Variants in THSD7B observed in about 807,000 individuals in gnomAD.
THSD7B encodes thrombospondin type-1 domain-containing protein 7B.
A neutral mutation model predicts 213.6 loss-of-function variants in THSD7B; 138 were observed. The ratio of observed to expected loss-of-function variants is 0.65; its 90% CI spans 0.56 to 0.74. The LOEUF (loss-of-function observed/expected upper bound fraction) is 0.74. Ranked by LOEUF, THSD7B falls within the 30% of genes least tolerant of loss-of-function variation. THSD7B has a pLI of 0.00. For synonymous variants in THSD7B, 742 were observed against 687.0 expected (o/e 1.08, Z -1.25); for missense variants, 1,931 against 1,991.5 (o/e 0.97, Z 0.58).
chr2:137,496,110 G>A (rs1216481711), intron 15 of THSD7B, among the ~76,000 whole-genome samples: 2 of 152,162 alleles, frequency 1.3e-5, no homozygotes, highest in Non-Finnish European at 2.9e-5. Context: ...ATTGGTGAGT[G>A]TAGTTTGAGC....
Position 137,415,055 on chromosome 2 carries a change from C to CAAAAA in THSD7B, c.2959+3195_2959+3199dup, listed in dbSNP as rs56403642. On this transcript the variant is annotated intron_variant, in intron 14 of 27. Coordinates refer to ENST00000409968, the MANE Select transcript of THSD7B (RefSeq NM_001316349.2). Reference sequence around the variant, plus strand: ...TAGGTGACAGAGCAAGACCCTGTCTCAAAAAAAAAAAAAAAATTATTATCA... The same window carrying CAAAAA: ...TAGGTGACAGAGCAAGACCCTGTCTCAAAAAAAAAAAAAAAAAAAAATTATTATCA... Among the ~76,000 whole-genome samples, 590 of 122,770 alleles carry CAAAAA rather than the reference C, an allele frequency of 4.8e-3. 13 individuals carry two copies. Among genetic ancestry groups the CAAAAA allele is most frequent in the African/African-American group, 0.015 (547 of 35,446 alleles). The allele number at this position is 122,770 out of a possible 152,430, so 80.5% of individuals were successfully genotyped here. A position where few individuals can be genotyped will look rare whatever the true frequency, so the allele number is the denominator to read the frequency against.
intron 1 of THSD7B, among the ~76,000 whole-genome samples, chr2:136,856,266 T>A (rs539019942): frequency 6.6e-6 from 1 of 152,130 alleles, no homozygotes; most frequent in East Asian, 1.9e-4. Context: ...ATTTAGAGAG[T>A]TGGGAGGATG....
intron 20 of THSD7B, among the ~76,000 whole-genome samples, chr2:137,629,708 A>C (rs992410992): frequency 2.0e-5 from 3 of 152,202 alleles, no homozygotes; most frequent in African/African-American, 7.2e-5. Context: ...GGAGAAATGA[A>C]GTTGCATAAA....
rs199689020 is a variant in THSD7B, at chr2:136,779,198, ATGTGTG to A, written c.-36+13549_-36+13554del. 4.1e-3 allele frequency among the ~76,000 whole-genome samples: 228 copies of A among 55,130 alleles called. 7 individuals are homozygous for A. The East Asian group carries it at 0.052, about 12-fold the overall frequency. The allele number at this position is 55,130 out of a possible 152,430, so 36.2% of individuals were successfully genotyped here. A position where few individuals can be genotyped will look rare whatever the true frequency, so the allele number is the denominator to read the frequency against. ...ACGTGTTAAAAGGCTATATATATAT[ATGTGTG>A]TGTGTGTGTGTGTGTGTGTGTGTGT... On this transcript the variant is annotated intron_variant, in intron 1 of 27. Coordinates refer to ENST00000409968, the MANE Select transcript of THSD7B (RefSeq NM_001316349.2).
At chr2:137,231,943 A>C (rs569771937) in intron 8 of THSD7B, among the ~76,000 whole-genome samples, 1 of 152,246 alleles carries the variant, frequency 6.6e-6, no homozygotes, top group Non-Finnish European at 1.5e-5. Flanking sequence ...GGCTGTGAGG[A>C]GCTACTTTTT....
chr2:136,897,915 A>G (rs770345413), intron 2 of THSD7B, among the ~76,000 whole-genome samples: 1 of 151,820 alleles, frequency 6.6e-6, no homozygotes, highest in Admixed American at 6.6e-5. Flanking sequence ...TGATTGGTGC[A>G]TTTACAAACC....
intron 12 of THSD7B, among the ~76,000 whole-genome samples, chr2:137,310,527 T>C (rs1683873355): frequency 1.3e-5 from 2 of 151,016 alleles, no homozygotes; most frequent in Non-Finnish European, 3.0e-5. Flanking sequence ...CATTTGTCAA[T>C]TTTGGCTTTT....
At chr2:137,298,925 A>G (rs1683531406) in intron 12 of THSD7B, among the ~76,000 whole-genome samples, 1 of 152,178 alleles carries the variant, frequency 6.6e-6, no homozygotes, top group Non-Finnish European at 1.5e-5. Flanking sequence ...GTGGGGTTGG[A>G]GTCCCCACAC....
chr2:137,489,399 G>C (rs1361875796), intron 15 of THSD7B, among the ~76,000 whole-genome samples: 1 of 151,122 alleles, frequency 6.6e-6, no homozygotes, highest in Non-Finnish European at 1.5e-5. Context: ...ACTCCAGCCT[G>C]GTGAGAGCAA....
intron 12 of THSD7B, among the ~76,000 whole-genome samples, chr2:137,404,008 A>AC (rs1686437312): frequency 6.6e-6 from 1 of 152,214 alleles, no homozygotes; most frequent in Non-Finnish European, 1.5e-5. Flanking sequence ...ATATTCTTTG[A>AC]GAGTCTATAA....
intron 16 of THSD7B, among the ~76,000 whole-genome samples, chr2:137,567,898 T>C (rs1681271784): frequency 6.6e-6 from 1 of 152,228 alleles, no homozygotes; most frequent in Admixed American, 6.5e-5. Context: ...AATTTAGTAT[T>C]TATTGAGAAG....
At chr2:137,544,771 T>C (rs1257070605) in intron 15 of THSD7B, among the ~76,000 whole-genome samples, 1 of 151,868 alleles carries the variant, frequency 6.6e-6, no homozygotes, top group African/African-American at 2.4e-5. Flanking sequence ...ATTCTTTCAA[T>C]GTAGGGCACT....
intron 2 of THSD7B, chr2:136,990,896 A>G (rs1685768002): frequency 1.5e-6 from 2 of 1,348,538 alleles, no homozygotes; most frequent in African/African-American, 1.5e-5. Flanking sequence ...GAAACGATGC[A>G]TAACACAGCA....
At chr2:136,886,915 G>A (rs1038626182) in intron 2 of THSD7B, among the ~76,000 whole-genome samples, 1 of 152,172 alleles carries the variant, frequency 6.6e-6, no homozygotes, top group Non-Finnish European at 1.5e-5. Flanking sequence ...AGAGGTTTCT[G>A]CTGGAGATAT....
At chr2:137,466,807 AC>A (rs1687998169) in intron 15 of THSD7B, among the ~76,000 whole-genome samples, 1 of 151,952 alleles carries the variant, frequency 6.6e-6, no homozygotes. Context: ...GGTTATGGAG[AC>A]TCCAGGGCAG....
chr2:137,549,831 G>A (rs1242020552), intron 15 of THSD7B, among the ~76,000 whole-genome samples: 2 of 151,952 alleles, frequency 1.3e-5, no homozygotes, highest in African/African-American at 4.8e-5. Flanking sequence ...TGTCCTCAAG[G>A]TTCATCCATA....
At chr2:137,299,148 G>A (rs1481360021) in intron 12 of THSD7B, among the ~76,000 whole-genome samples, 1 of 152,192 alleles carries the variant, frequency 6.6e-6, no homozygotes, top group Non-Finnish European at 1.5e-5. Flanking sequence ...TGATCTGAAA[G>A]TGAGACTTGG....
chr2:137,241,926 AG>A (rs1297364399), intron 9 of THSD7B, among the ~76,000 whole-genome samples: 1 of 151,696 alleles, frequency 6.6e-6, no homozygotes, highest in Non-Finnish European at 1.5e-5. Context: ...AAAAAAAAAA[AG>A]AAAAGGAAAG....
intron 15 of THSD7B, among the ~76,000 whole-genome samples, chr2:137,545,422 C>A (rs1680689183): frequency 6.6e-6 from 1 of 151,760 alleles, no homozygotes; most frequent in South Asian, 2.1e-4. Flanking sequence ...GCCTTGCTCA[C>A]CAGACCACAG....
Sources: allele counts gnomAD v4.1 joint callset (sites outside exome capture counted in the v4.1 genomes callset), GRCh38; gene constraint gnomAD v4.1.1; transcripts MANE v1.5; gene names NCBI Gene and HGNC (gene_info 2026-07-23, HGNC 2026-07-21).